KAZN: variants seen among roughly 807,000 people sequenced by gnomAD.
KAZN encodes the protein kazrin, periplakin interacting protein.
In KAZN, 40 loss-of-function variants were observed where a neutral mutation model predicts 87.4. That is an observed-to-expected ratio of 0.46 (90% CI 0.36 to 0.60). The LOEUF (loss-of-function observed/expected upper bound fraction) is 0.60, where lower values mean the gene tolerates loss of function less well. KAZN is among the 20% of genes least tolerant of loss of function. The pLI, the probability that KAZN is intolerant of heterozygous loss-of-function variation, is 0.00. For missense variants in KAZN, 898 were observed against 1,073.9 expected (o/e 0.84, Z 2.29); for synonymous variants, 466 against 458.3 (o/e 1.02, Z -0.22).
chr1:14,801,962 G>A (rs940454281), intron 1 of KAZN, among the ~76,000 whole-genome samples: 5 of 151,978 alleles, frequency 3.3e-5, no homozygotes, highest in South Asian at 4.2e-4. Flanking sequence ...GGGATTACAC[G>A]CGTCGGCCAC....
chr1:14,548,198 ATT>A (rs1199211988), intron 2 of KAZN, among the ~76,000 whole-genome samples: 8 of 132,914 alleles, frequency 6.0e-5, no homozygotes, highest in Non-Finnish European at 8.1e-5. Context: ...CTCTTCGTGC[ATT>A]TTTTTTTTTT....
chr1:14,998,989 G>C (rs988480411), intron 2 of KAZN, among the ~76,000 whole-genome samples: 1 of 152,248 alleles, frequency 6.6e-6, no homozygotes, highest in Non-Finnish European at 1.5e-5. Context: ...GGGAACAACA[G>C]TCACCAGGTA....
chr1:14,366,870 A>G (rs2149509), intron 2 of KAZN, among the ~76,000 whole-genome samples: 31,765 of 152,098 alleles, frequency 0.21, 3,775 homozygotes, highest in Middle Eastern at 0.32. Context: ...GCTCTTGTTC[A>G]GCATCCAGGA....
intron 1 of KAZN, among the ~76,000 whole-genome samples, chr1:14,711,971 G>A (rs907786333): frequency 6.6e-6 from 1 of 152,192 alleles, no homozygotes; most frequent in Non-Finnish European, 1.5e-5. Context: ...TTCCGGCCAT[G>A]GGGAGCTGCA....
In KAZN at chr1:14,724,944, A is replaced by T. The variant is rs146292155; in HGVS notation, c.226+125721A>T. On this transcript the variant is annotated intron_variant, in intron 1 of 14. Transcript: ENST00000376030. ...CTCCCAGCATCCCAAGTATGAGTCAATGGGAAGAAAATGACCAGGAAACTT... is the reference window on the plus strand; with the variant it reads ...CTCCCAGCATCCCAAGTATGAGTCATTGGGAAGAAAATGACCAGGAAACTT... Among the ~76,000 whole-genome samples, 16 of 152,360 alleles carry T rather than the reference A, an allele frequency of 1.1e-4. No individual in the cohort carries two copies. The East Asian group carries it at 2.1e-3, about 20-fold the overall frequency.
intron 1 of KAZN, among the ~76,000 whole-genome samples, chr1:13,983,239 G>A (rs75344633): frequency 2.0e-5 from 3 of 152,346 alleles, no homozygotes; most frequent in Middle Eastern, 3.4e-3. Context: ...GGAGGCTCGG[G>A]GGCACAGGAG....
chr1:13,978,341 A>C (rs1412681060), intron 1 of KAZN, among the ~76,000 whole-genome samples: 3 of 151,944 alleles, frequency 2.0e-5, no homozygotes, highest in Non-Finnish European at 4.4e-5. Context: ...ATAGGACCTG[A>C]AAATCACAAG....
intron 1 of KAZN, among the ~76,000 whole-genome samples, chr1:14,024,365 T>C (rs1308496743): frequency 6.6e-6 from 1 of 152,146 alleles, no homozygotes; most frequent in African/African-American, 2.4e-5. Context: ...TTTCAAAATA[T>C]CAAAATTATT....
rs918110975 is a variant in KAZN at position 15,096,170 on chromosome 1, C to T, written c.1547+1237C>T. 1.3e-5 allele frequency among the ~76,000 whole-genome samples: 2 copies of T among 152,186 alleles called. No individual in the cohort carries two copies. The highest frequency in any genetic ancestry group is 2.9e-5 in the Non-Finnish European group (2 of 68,026). Reference sequence around the variant, plus strand: ...TTGGTCACCCAAGTAGGAAATCCCTCCTGCCCCCTTACCCCACACCCAGCA... The same window carrying T: ...TTGGTCACCCAAGTAGGAAATCCCTTCTGCCCCCTTACCCCACACCCAGCA... On this transcript the variant is annotated intron_variant, in intron 10 of 14. Transcript: ENST00000376030. This position sits in a 1 kb window ranked among gnomAD's most constrained non-coding sequence, Gnocchi z 4.5.
intron 2 of KAZN, among the ~76,000 whole-genome samples, chr1:14,429,453 A>G (rs1665921835): frequency 6.6e-6 from 1 of 152,154 alleles, no homozygotes; most frequent in Non-Finnish European, 1.5e-5. Context: ...CAGCAAAACT[A>G]TTCTCTGAAG....
At chr1:14,896,597 T>A (rs925658712) in intron 1 of KAZN, among the ~76,000 whole-genome samples, 9 of 152,222 alleles carry the variant, frequency 5.9e-5, no homozygotes, top group Non-Finnish European at 1.3e-4. Context: ...GGATCTCTGC[T>A]GGTGGGGAGC....
intron 1 of KAZN, among the ~76,000 whole-genome samples, chr1:14,694,477 C>CATTT (rs1572243269): frequency 1.3e-5 from 2 of 152,204 alleles, no homozygotes; most frequent in East Asian, 3.9e-4. Flanking sequence ...TTCATTCATT[C>CATTT]ATTTATTCAT....
chr1:14,324,263 G>A (rs1227197099), intron 2 of KAZN, among the ~76,000 whole-genome samples: 1 of 152,150 alleles, frequency 6.6e-6, no homozygotes, highest in Non-Finnish European at 1.5e-5. Context: ...TATATTGTAG[G>A]CTTGGGTTAT....
chr1:14,675,981 A>G (rs1640195121), intron 1 of KAZN, among the ~76,000 whole-genome samples: 1 of 152,194 alleles, frequency 6.6e-6, no homozygotes, highest in Non-Finnish European at 1.5e-5. Context: ...AGCACAGGAC[A>G]TCTGAAAAAG....
chr1:14,313,168 C>T (rs1476947658), intron 2 of KAZN, among the ~76,000 whole-genome samples: 1 of 152,098 alleles, frequency 6.6e-6, no homozygotes, highest in Non-Finnish European at 1.5e-5. Flanking sequence ...GGAGATAAAA[C>T]ATTACCAGCA....
intron 2 of KAZN, among the ~76,000 whole-genome samples, chr1:14,496,131 C>T (rs984441762): frequency 2.0e-5 from 3 of 152,108 alleles, no homozygotes; most frequent in Non-Finnish European, 4.4e-5. Context: ...TCCTTGTTGC[C>T]ATGTGGTTAT....
chr1:14,032,847 A>G (rs1053248859), intron 1 of KAZN, among the ~76,000 whole-genome samples: 1 of 152,204 alleles, frequency 6.6e-6, no homozygotes. Context: ...TGCCAGAGGT[A>G]CTGCAGGAAT....
chr1:14,299,623 A>G (rs958755792), intron 2 of KAZN, among the ~76,000 whole-genome samples: 7 of 152,206 alleles, frequency 4.6e-5, no homozygotes, highest in Non-Finnish European at 1.0e-4. Flanking sequence ...GCAACAGCAG[A>G]TGTCGCACCC....
intron 1 of KAZN, among the ~76,000 whole-genome samples, chr1:14,786,999 G>C (rs1645528612): frequency 6.6e-6 from 1 of 152,138 alleles, no homozygotes; most frequent in Admixed American, 6.5e-5. Flanking sequence ...TCCAACTCTT[G>C]ACACCAAACA....
Sources: gnomAD v4.1 joint callset for allele counts (sites outside exome capture counted in the v4.1 genomes callset) on GRCh38, gnomAD v4.1.1 for gene constraint, Gnocchi (gnomAD v3.1) non-coding constraint, MANE v1.5 for transcripts, NCBI Gene and HGNC (gene_info 2026-07-23, HGNC 2026-07-21) for gene names.